The following SERPINI1 variants were observed in gnomAD, a reference collection of about 807,000 sequenced individuals.
SERPINI1 encodes the protein serpin family I member 1, also known as neuroserpin.
A neutral mutation model predicts 41.1 loss-of-function variants in SERPINI1; 19 were observed. The observed-to-expected ratio is 0.46, with a 90% CI of 0.32 to 0.68. SERPINI1 has a LOEUF of 0.68. SERPINI1 is among the 30% of genes least tolerant of loss of function. SERPINI1 has a pLI of 0.03. For synonymous variants in SERPINI1, 138 were observed against 156.6 expected (o/e 0.88, Z 0.89); for missense variants, 460 against 479.2 (o/e 0.96, Z 0.37).
intron 4 of SERPINI1, among the ~76,000 whole-genome samples, chr3:167,794,176 C>A (rs1324309649): frequency 6.6e-6 from 1 of 151,572 alleles, no homozygotes; most frequent in Admixed American, 6.6e-5. Flanking sequence ...TGCTACACTT[C>A]AGATATATTG....
At chr3:167,758,816 A>G (rs1193953547) in intron 1 of SERPINI1, among the ~76,000 whole-genome samples, 1 of 152,224 alleles carries the variant, frequency 6.6e-6, no homozygotes, top group African/African-American at 2.4e-5. Flanking sequence ...TATAAGTGAG[A>G]TATTAACATT....
chr3:167,810,229 C>T (rs1241325628), intron 6 of SERPINI1, among the ~76,000 whole-genome samples: 1 of 151,804 alleles, frequency 6.6e-6, no homozygotes. Flanking sequence ...TAGTTTTTTC[C>T]TCTCCAAATA....
chr3:167,764,943 C>T (rs1424909312), intron 1 of SERPINI1, among the ~76,000 whole-genome samples: 1 of 152,214 alleles, frequency 6.6e-6, no homozygotes, highest in African/African-American at 2.4e-5. Flanking sequence ...GTTTCACATC[C>T]AGGTCACACT....
intron 1 of SERPINI1, among the ~76,000 whole-genome samples, chr3:167,753,614 C>CT (rs1470848363): frequency 6.6e-6 from 1 of 152,016 alleles, no homozygotes; most frequent in African/African-American, 2.4e-5. Context: ...CCCCTGTGGC[C>CT]TTTTTTCAAA....
chr3:167,756,268 A>C (rs1465341366), intron 1 of SERPINI1, among the ~76,000 whole-genome samples: 4 of 151,940 alleles, frequency 2.6e-5, no homozygotes, highest in African/African-American at 9.7e-5. Context: ...TATTTCCCAT[A>C]ATTTTACAAT....
intron 1 of SERPINI1, among the ~76,000 whole-genome samples, chr3:167,748,613 A>G (rs893833341): frequency 1.3e-5 from 2 of 152,230 alleles, no homozygotes; most frequent in East Asian, 1.9e-4. Flanking sequence ...GGAGATGACA[A>G]CGTCTCAGAG....
intron 5 of SERPINI1, among the ~76,000 whole-genome samples, chr3:167,800,943 A>G (rs936491775): frequency 1.3e-5 from 2 of 152,036 alleles, no homozygotes; most frequent in Admixed American, 1.3e-4. Context: ...TCAGCCTCCT[A>G]AGTAGCTGGG....
chr3:167,747,193 G>T (rs900586059), intron 1 of SERPINI1, among the ~76,000 whole-genome samples: 7 of 152,156 alleles, frequency 4.6e-5, no homozygotes, highest in African/African-American at 1.7e-4. Flanking sequence ...GAAATATCTA[G>T]AATAGGCAAA....
intron 1 of SERPINI1, among the ~76,000 whole-genome samples, chr3:167,755,241 T>C (rs1726159993): frequency 6.6e-6 from 1 of 152,162 alleles, no homozygotes; most frequent in African/African-American, 2.4e-5. Context: ...TGGAAGCACT[T>C]CCTAATTAAG....
intron 1 of SERPINI1, among the ~76,000 whole-genome samples, chr3:167,782,114 G>T (rs985526985): frequency 1.3e-5 from 2 of 152,102 alleles, no homozygotes; most frequent in Non-Finnish European, 2.9e-5. Context: ...TTGTTTTTAT[G>T]TAAAGGCATT....
intron 1 of SERPINI1, among the ~76,000 whole-genome samples, chr3:167,768,711 C>T (rs1380323202): frequency 6.6e-6 from 1 of 152,100 alleles, no homozygotes; most frequent in Non-Finnish European, 1.5e-5. Context: ...ATTTCTCTAA[C>T]GTATTATGCA....
intron 1 of SERPINI1, among the ~76,000 whole-genome samples, chr3:167,765,310 C>A (rs1451048896): frequency 1.3e-5 from 2 of 152,236 alleles, no homozygotes; most frequent in African/African-American, 2.4e-5. Flanking sequence ...TGGAGGTTCC[C>A]AAATCTCAAT....
At chr3:167,762,200 T>C (rs1225428944) in intron 1 of SERPINI1, among the ~76,000 whole-genome samples, 3 of 152,048 alleles carry the variant, frequency 2.0e-5, no homozygotes, top group African/African-American at 7.2e-5. Context: ...TATAGATACG[T>C]TGTCGGTGCT....
chr3:167,746,540 A>T (rs1424785058), intron 1 of SERPINI1, among the ~76,000 whole-genome samples: 1 of 152,196 alleles, frequency 6.6e-6, no homozygotes, highest in Non-Finnish European at 1.5e-5. Flanking sequence ...AGAGCTCATA[A>T]ATAACTTATA....
chr3:167,789,289 C>T lies in SERPINI1; in HGVS notation c.161C>T (p.Ala54Val), dbSNP rs769948709. The change falls in exon 2 of 9, where the codon GCT becomes GTT. Residue 54 changes from alanine (A) to valine (V), a missense_variant. Transcript: ENST00000446050. The stretch of plus-strand genomic sequence containing the variant: ...ATTCTCTTCTCTCCATTGAGTATTG[C>T]TCTTGCAATGGGAATGATGGAACTT... ...ENILFSPLSI[A>V]LAMGMMELGA... 1.9e-6 allele frequency: 3 copies of T among 1,614,086 alleles called. No individual in the cohort carries two copies. Among genetic ancestry groups the T allele is most frequent in the East Asian group, 2.2e-5 (1 of 44,872 alleles).
At chr3:167,789,499 G>C in intron 2 of SERPINI1, 121 bp downstream of exon 2, 1 of 1,180,582 alleles carries the variant, frequency 8.5e-7, no homozygotes. Flanking sequence ...TCATTGAAAT[G>C]GTATGGCTAG....
At chr3:167,760,946 G>A (rs539764107) in intron 1 of SERPINI1, among the ~76,000 whole-genome samples, 120 of 152,236 alleles carry the variant, frequency 7.9e-4, no homozygotes, top group African/African-American at 2.8e-3. Flanking sequence ...GGTGACATGC[G>A]GAATTTATGC....
intron 5 of SERPINI1, among the ~76,000 whole-genome samples, chr3:167,798,760 T>C (rs1228567848): frequency 6.6e-6 from 1 of 152,156 alleles, no homozygotes; most frequent in Non-Finnish European, 1.5e-5. Context: ...TACTGCATTT[T>C]CTCACTTATA....
chr3:167,754,318 C>G (rs949665214), intron 1 of SERPINI1, among the ~76,000 whole-genome samples: 1 of 152,220 alleles, frequency 6.6e-6, no homozygotes, highest in African/African-American at 2.4e-5. Context: ...AGAGATGCAT[C>G]TTCAGCAACT....
Sources: allele counts gnomAD v4.1 joint callset (sites outside exome capture counted in the v4.1 genomes callset), GRCh38; gene constraint gnomAD v4.1.1; transcripts MANE v1.5; gene names NCBI Gene and HGNC (gene_info 2026-07-23, HGNC 2026-07-21).